TFEC: variants seen among roughly 807,000 people sequenced by gnomAD.
TFEC encodes transcription factor EC.
A neutral mutation model predicts 41.6 loss-of-function variants in TFEC; 31 were observed. The ratio of observed to expected loss-of-function variants is 0.74; its 90% CI spans 0.56 to 1.01. The LOEUF is 1.01. Ranked by LOEUF, TFEC falls within the 50% of genes least tolerant of loss-of-function variation. TFEC has a pLI of 0.00. For missense variants in TFEC, 402 were observed against 404.1 expected (o/e 0.99, Z 0.04); for synonymous variants, 143 against 140.6 (o/e 1.02, Z -0.12).
intron 1 of TFEC, among the ~76,000 whole-genome samples, chr7:116,127,372 C>T (rs543359403): frequency 2.0e-5 from 3 of 152,268 alleles, no homozygotes; most frequent in Non-Finnish European, 2.9e-5. Context: ...CGTGAGCCAC[C>T]GCGCCCAGCC....
Position 115,952,827 on chromosome 7 carries a change from A to G in TFEC, c.439+1759T>C, listed in dbSNP as rs535807995. Among the ~76,000 whole-genome samples the G allele has an allele frequency of 4.6e-5, 7 of 152,232 alleles. 1 individual carries two copies. In the South Asian group the frequency reaches 1.2e-3, roughly 27 times the overall value. On this transcript the variant is annotated intron_variant, in intron 5 of 7. Coordinates refer to ENST00000265440, the MANE Select transcript of TFEC (RefSeq NM_012252.4). ...GCAAGAGAGGCTCTTACTCTGATCA[A>G]TATTTAGAGGAAGCACTCTTGCCTT...
chr7:116,119,815 T>C (rs1350714422), intron 1 of TFEC, among the ~76,000 whole-genome samples: 1 of 151,762 alleles, frequency 6.6e-6, no homozygotes, highest in East Asian at 1.9e-4. Context: ...TTTATCATAG[T>C]CTTGTTTGAA....
chr7:115,976,703 C>T lies in TFEC; in HGVS notation c.181-2447G>A, dbSNP rs534285143. Reference sequence around the variant, plus strand: ...ATTTTACTTATATTCTACCACTAAACGGGCAAAAACCTTGTACTGAACAGA... The same window carrying T: ...ATTTTACTTATATTCTACCACTAAATGGGCAAAAACCTTGTACTGAACAGA... On this transcript the variant is annotated intron_variant, in intron 2 of 7. Transcript: ENST00000265440. Among the ~76,000 whole-genome samples, 9 of 152,188 alleles carry T rather than the reference C, an allele frequency of 5.9e-5. No individual in the cohort carries two copies. The East Asian group carries it at 7.7e-4, about 13-fold the overall frequency.
At position 116,047,104 on chromosome 7, in the gene TFEC, G is replaced by A. The variant is rs553478887; in HGVS notation, c.199-62591C>T. Among the ~76,000 whole-genome samples, 17 of 152,312 alleles carry A rather than the reference G, an allele frequency of 1.1e-4. No homozygotes were observed. In the South Asian group the frequency reaches 1.2e-3, roughly 11 times the overall value. ...GTCTGTAGCTCCCAGTGTGAGCGAC[G>A]CAGAAGGCAGCTGATTTCTGCATTT... On this transcript the variant is annotated intron_variant, in intron 3 of 8. Coordinates refer to the TFEC transcript ENST00000484212.
intron 3 of TFEC, among the ~76,000 whole-genome samples, chr7:116,100,319 C>T (rs1197534630): frequency 2.6e-5 from 4 of 152,162 alleles, no homozygotes; most frequent in Admixed American, 6.5e-5. Context: ...GTTCATCTGT[C>T]ACTGTAATTT....
chr7:116,123,499 CA>C (rs1292487173), intron 1 of TFEC, among the ~76,000 whole-genome samples: 7 of 152,112 alleles, frequency 4.6e-5, no homozygotes, highest in Admixed American at 3.3e-4. Context: ...GTTTAAACAT[CA>C]TTTTTGTCAT....
intron 1 of TFEC, among the ~76,000 whole-genome samples, chr7:116,116,291 T>C (rs1011453907): frequency 1.3e-5 from 2 of 151,902 alleles, no homozygotes; most frequent in African/African-American, 4.8e-5. Context: ...AAGAAGTATA[T>C]GGGGGACATG....
intron 1 of TFEC, among the ~76,000 whole-genome samples, chr7:116,119,220 T>A (rs1404366070): frequency 6.6e-6 from 1 of 151,838 alleles, no homozygotes; most frequent in African/African-American, 2.4e-5. Flanking sequence ...ATTTGCCCCA[T>A]GCTACACATT....
Position 115,954,606 on chromosome 7 carries a change from T to C in TFEC, c.419A>G (p.Lys140Arg). The C allele has an allele frequency of 6.2e-7, 1 of 1,611,978 alleles. No individual in the cohort carries two copies. Among genetic ancestry groups the C allele is most frequent in the South Asian group, 1.1e-5 (1 of 90,898 alleles). ...DTRALAKERQ[K>R]KDNHNLIERR... ...CTCACTGAGGTTGTGGTTGTCCTTT[T>C]TTTGTCTCTCTTTTGCTAAAGCTCT... Residue 140 changes from lysine to arginine, a missense_variant, in exon 5 of 8, where the codon AAA becomes AGA. By Grantham distance (26) the Lys-to-Arg change is conservative. Transcript: ENST00000265440.
chr7:115,980,682 G>A (rs374471955), intron 2 of TFEC, among the ~76,000 whole-genome samples: 24 of 152,070 alleles, frequency 1.6e-4, no homozygotes, highest in African/African-American at 5.5e-4. Flanking sequence ...CCCAGGTGGT[G>A]GAAGTTACAG....
At chr7:116,023,984 A>C (rs1795494537) in intron 1 of TFEC, among the ~76,000 whole-genome samples, 1 of 152,138 alleles carries the variant, frequency 6.6e-6, no homozygotes, top group African/African-American at 2.4e-5. Flanking sequence ...GCCTCTGTGA[A>C]CCAGTTTAAC....
Position 116,154,217 on chromosome 7 carries a change from TGA to T in TFEC, c.-69+5571_-69+5572del, listed in dbSNP as rs569129958. Among the ~76,000 whole-genome samples the T allele has an allele frequency of 8.6e-3, 1,307 of 152,246 alleles. 16 individuals carry two copies. Among genetic ancestry groups the T allele is most frequent in the Non-Finnish European group, 0.011 (738 of 68,016 alleles). On this transcript the variant is annotated intron_variant, in intron 1 of 8. Coordinates refer to the TFEC transcript ENST00000484212. ...TATATGTACTGGGTGACCTATGAAA[TGA>T]GAGGGTGAGATGCATAGAACAGTCC...
At chr7:116,034,472 A>C (rs1795861652), upstream of TFEC, among the ~76,000 whole-genome samples, 1 of 148,112 alleles carries the variant, frequency 6.8e-6, no homozygotes, top group African/African-American at 2.5e-5. Flanking sequence ...CCTCCAGCTC[A>C]CTCCTCTCTT....
At position 115,940,873 on chromosome 7, in the gene TFEC, A is replaced by C; in HGVS notation, c.722T>G (p.Val241Gly). The C allele has an allele frequency of 1.2e-6, 2 of 1,612,704 alleles. No individual in the cohort carries two copies. The highest frequency in any genetic ancestry group is 1.7e-6 in the Non-Finnish European group (2 of 1,179,130). Residue 241 changes from valine to glycine, a missense_variant, in exon 8 of 8, where the codon GTT (valine) becomes GGT (glycine). By Grantham distance (109) the Val-to-Gly change is moderately radical (BLOSUM62 -3). Coordinates refer to ENST00000265440, the MANE Select transcript of TFEC (RefSeq NM_012252.4). The part of the protein sequence containing the change: ...GLPTLASLGT[V>G]DLGAHVTKQQ... ...TTTGGTGACATGAGCACCTAAATCAACCGTGCCAAGTGAAGCCAGGGTTGG... is the reference window on the plus strand; with the variant it reads ...TTTGGTGACATGAGCACCTAAATCACCCGTGCCAAGTGAAGCCAGGGTTGG...
At chr7:116,085,945 G>A (rs1331282039) in intron 3 of TFEC, among the ~76,000 whole-genome samples, 1 of 151,718 alleles carries the variant, frequency 6.6e-6, no homozygotes, top group African/African-American at 2.4e-5. Flanking sequence ...ATTAACATTA[G>A]GGTGGCAAAA....
At position 115,939,521 on chromosome 7, in the gene TFEC, T is replaced by C. The variant is rs1326609409; in HGVS notation, c.*1030A>G. 1.3e-5 allele frequency: 2 copies of C among 152,080 alleles called. No individual in the cohort carries two copies. The highest frequency in any genetic ancestry group is 2.4e-5 in the African/African-American group (1 of 41,446). The allele number at this position is 152,080 out of a possible 1,614,324, so 9.4% of individuals were successfully genotyped here. On this transcript the variant is annotated 3_prime_UTR_variant, in exon 8 of 8. Transcript: ENST00000265440. Reference sequence around the variant, plus strand: ...TAATAATTATTTTGTCAATTGGCAATTCAATTTTCAATATTTTATCCATTT... The same window carrying C: ...TAATAATTATTTTGTCAATTGGCAACTCAATTTTCAATATTTTATCCATTT...
At chr7:116,024,129 C>T (rs558885926) in intron 1 of TFEC, among the ~76,000 whole-genome samples, 3 of 152,240 alleles carry the variant, frequency 2.0e-5, no homozygotes, top group Admixed American at 2.0e-4. Flanking sequence ...ATAGAGCCAT[C>T]TTTTCTGGTC....
chr7:115,984,640 C>T (rs1351661350), intron 1 of TFEC, 127 bp from the exon 2 acceptor site: 13 of 1,113,092 alleles, frequency 1.2e-5, no homozygotes, highest in African/African-American at 9.4e-5. Flanking sequence ...TCCAATCTAT[C>T]GTCCATACTT....
At chr7:116,044,571 T>A (rs965181629) in intron 3 of TFEC, among the ~76,000 whole-genome samples, 3 of 152,232 alleles carry the variant, frequency 2.0e-5, no homozygotes, top group African/African-American at 7.2e-5. Context: ...GTTCTTCAAT[T>A]TCTTTAGTTT....
Sources: allele counts gnomAD v4.1 joint callset (sites outside exome capture counted in the v4.1 genomes callset), GRCh38; gene constraint gnomAD v4.1.1; transcripts MANE v1.5; gene names NCBI Gene and HGNC (gene_info 2026-07-23, HGNC 2026-07-21).